The following ARHGAP32 variants were observed in gnomAD, a reference collection of about 807,000 sequenced individuals.
ARHGAP32 encodes the protein Rho GTPase activating protein 32.
Under a neutral mutation model 186.5 loss-of-function variants are expected in ARHGAP32, and 51 were observed. That is an observed-to-expected ratio of 0.27 (90% CI 0.22 to 0.35). The LOEUF (loss-of-function observed/expected upper bound fraction) is 0.35, where lower values mean the gene tolerates loss of function less well. Ranked by LOEUF, ARHGAP32 falls within the 10% of genes least tolerant of loss-of-function variation. ARHGAP32 has a pLI of 1.00. For synonymous variants in ARHGAP32, 950 were observed against 964.3 expected (o/e 0.99, Z 0.27); for missense variants, 2,186 against 2,623.5 (o/e 0.83, Z 3.64).
Position 128,998,383 on chromosome 11 carries a change from T to C in ARHGAP32, c.1131A>G (p.Gly377=), listed in dbSNP as rs1464966336. Reference sequence around the variant, plus strand: ...AACCAAACACCCTCTCTTTCAAGATTCCCCGCTGCTTCAGCTTCTGTTTTG... The same window carrying C: ...AACCAAACACCCTCTCTTTCAAGATCCCCCGCTGCTTCAGCTTCTGTTTTG... The part of the protein sequence containing the change: ...RPTKQKLKQR[G]ILKERVFGCD... Residue 377 remains glycine (G), a synonymous_variant, in exon 12 of 23, where the codon GGA becomes GGG. Coordinates refer to ENST00000682385, the MANE Select transcript of ARHGAP32 (RefSeq NM_001378024.1). 6.2e-7 allele frequency: 1 copy of C among 1,601,638 alleles called. No homozygotes were observed. Among genetic ancestry groups the C allele is most frequent in the Admixed American group, 1.7e-5 (1 of 59,092 alleles).
chr11:129,228,253 G>C (rs1944811835), intron 1 of ARHGAP32, among the ~76,000 whole-genome samples: 1 of 152,064 alleles, frequency 6.6e-6, no homozygotes, highest in African/African-American at 2.4e-5. Flanking sequence ...AGCTGTAAAT[G>C]CCTGTATTTT....
At chr11:129,022,800 A>G (rs1938652196) in intron 11 of ARHGAP32, among the ~76,000 whole-genome samples, 1 of 152,184 alleles carries the variant, frequency 6.6e-6, no homozygotes, top group South Asian at 2.1e-4. Context: ...CACTGAGAAC[A>G]TGGCATCACT....
Position 128,973,097 on chromosome 11 carries a change from C to G in ARHGAP32, c.3409G>C (p.Glu1137Gln). The G allele has an allele frequency of 4.3e-6, 7 of 1,614,158 alleles. No individual in the cohort carries two copies. The highest frequency in any genetic ancestry group is 5.9e-6 in the Non-Finnish European group (7 of 1,180,052). The change falls in exon 22 of 23, where the codon GAG (glutamate) becomes CAG (glutamine). Residue 1137 changes from glutamate to glutamine, a missense_variant. By Grantham distance (29) the Glu-to-Gln change is conservative. Around this residue, in one of 5 missense-constraint regions of ARHGAP32, gnomAD observed 1,502 missense variants for 1,570.0 expected, o/e 0.96. Transcript: ENST00000682385. ...APGNCDHPLPETTATGDPTHS... is the reference protein window; with the variant it reads ...APGNCDHPLPQTTATGDPTHS... ...GTAGGATCCCCAGTAGCTGTTGTCT[C>G]TGGTAGAGGATGGTCACAGTTTCCT...
intron 1 of ARHGAP32, among the ~76,000 whole-genome samples, chr11:129,275,902 A>G (rs1945523985): frequency 6.6e-6 from 1 of 152,268 alleles, no homozygotes; most frequent in Admixed American, 6.5e-5. Context: ...ATGCAGACAA[A>G]TTTAAAATAT....
intron 1 of ARHGAP32, among the ~76,000 whole-genome samples, chr11:129,263,940 A>G (rs1393870296): frequency 6.6e-6 from 1 of 152,224 alleles, no homozygotes; most frequent in South Asian, 2.1e-4. Context: ...TTGCATACTC[A>G]TGTTCATAGC....
At chr11:129,169,093 T>A (rs1943699416) in intron 1 of ARHGAP32, among the ~76,000 whole-genome samples, 1 of 152,108 alleles carries the variant, frequency 6.6e-6, no homozygotes, top group Admixed American at 6.5e-5. Flanking sequence ...TAAGCTTCTA[T>A]CACAAGAAGC....
At chr11:128,975,064 G>A in intron 20 of ARHGAP32, 62 bp from the exon 21 acceptor site, 1 of 1,379,948 alleles carries the variant, frequency 7.2e-7, no homozygotes, top group Non-Finnish European at 9.9e-7. Flanking sequence ...GCTGTGGTAA[G>A]TCACCTACTC....
intron 10 of ARHGAP32, among the ~76,000 whole-genome samples, chr11:129,052,606 C>CT (rs1034092057): frequency 0.013 from 1,883 of 146,096 alleles, 36 homozygotes; most frequent in African/African-American, 0.035. Context: ...TCTTTCACAT[C>CT]TTTTTTTTTT....
At chr11:129,062,697 AG>A (rs1940551719) in intron 9 of ARHGAP32, among the ~76,000 whole-genome samples, 1 of 152,186 alleles carries the variant, frequency 6.6e-6, no homozygotes, top group African/African-American at 2.4e-5. Flanking sequence ...TGTCACTGAG[AG>A]TGATCAGATT....
At chr11:129,144,047 T>C (rs1340100228) in intron 2 of ARHGAP32, among the ~76,000 whole-genome samples, 1 of 152,182 alleles carries the variant, frequency 6.6e-6, no homozygotes, top group Non-Finnish European at 1.5e-5. Context: ...TGAACAACAA[T>C]GTTACTAAAG....
Position 128,972,858 on chromosome 11 carries a change from C to G in ARHGAP32, c.3648G>C (p.Gln1216His). 6.2e-7 allele frequency: 1 copy of G among 1,613,944 alleles called. No individual in the cohort carries two copies. The highest frequency in any genetic ancestry group is 8.5e-7 in the Non-Finnish European group (1 of 1,180,022). ...MPTVSFLDQDQSPPRFYSGDQ... is the reference protein window; with the variant it reads ...MPTVSFLDQDHSPPRFYSGDQ... ...CTCCACTGTAGAAACGGGGTGGAGA[C>G]TGGTCCTGATCCAAGAAGGAGACAG... The change falls in exon 22 of 23, where the codon CAG (glutamine) becomes CAC (histidine). Residue 1216 changes from glutamine (Q) to histidine (H), a missense_variant. Around this residue, in one of 5 missense-constraint regions of ARHGAP32, gnomAD observed 1,502 missense variants for 1,570.0 expected, o/e 0.96. Transcript: ENST00000682385.
intron 10 of ARHGAP32, among the ~76,000 whole-genome samples, chr11:129,044,507 G>A (rs1939730246): frequency 6.6e-6 from 1 of 152,038 alleles, no homozygotes; most frequent in African/African-American, 2.4e-5. Context: ...AAGCATAAAT[G>A]GGTTAATGCA....
intron 1 of ARHGAP32, among the ~76,000 whole-genome samples, chr11:129,181,223 G>A (rs1370277011): frequency 6.6e-6 from 1 of 152,078 alleles, no homozygotes; most frequent in Non-Finnish European, 1.5e-5. Flanking sequence ...ACTATCCACT[G>A]GTGGCAACAA....
At chr11:129,185,585 AAAACTT>A (rs1175996705) in intron 1 of ARHGAP32, among the ~76,000 whole-genome samples, 2 of 152,204 alleles carry the variant, frequency 1.3e-5, no homozygotes, top group Non-Finnish European at 2.9e-5. Context: ...CATGTACCCT[AAAACTT>A]AAAGTATAAT....
upstream of ARHGAP32, among the ~76,000 whole-genome samples, chr11:129,193,724 TTA>T (rs1491565920): frequency 0.021 from 1,595 of 76,310 alleles, 26 homozygotes; most frequent in Non-Finnish European, 0.026. Flanking sequence ...ATATTATATA[TTA>T]TATATAATAT....
In ARHGAP32 at chr11:128,965,369, C is replaced by T. The variant is rs1318850161; in HGVS notation, c.*3538G>A. The T allele has an allele frequency of 3.3e-5, 5 of 151,926 alleles. No homozygotes were observed. The highest frequency in any genetic ancestry group is 1.5e-5 in the Non-Finnish European group (1 of 67,998). The allele number at this position is 151,926 out of a possible 1,614,324, so 9.4% of individuals were successfully genotyped here. On this transcript the variant is annotated 3_prime_UTR_variant, in exon 23 of 23. Transcript: ENST00000682385. ...ACACCAGTTCACAAAAATATTAAGA[C>T]ATAAAAAAACACTATATAAATTAAA...
At chr11:129,168,945 G>C (rs994467805) in intron 1 of ARHGAP32, among the ~76,000 whole-genome samples, 4 of 152,078 alleles carry the variant, frequency 2.6e-5, no homozygotes, top group African/African-American at 7.2e-5. Flanking sequence ...ATGGAAATTA[G>C]AAAGTCTTTT....
intron 10 of ARHGAP32, among the ~76,000 whole-genome samples, chr11:129,054,835 T>C (rs1314891503): frequency 6.6e-6 from 1 of 152,230 alleles, no homozygotes; most frequent in African/African-American, 2.4e-5. Context: ...CTGTAGTTAA[T>C]ATAATTTCAC....
At chr11:129,096,174 G>A (rs188075188) in intron 5 of ARHGAP32, among the ~76,000 whole-genome samples, 8 of 152,294 alleles carry the variant, frequency 5.3e-5, no homozygotes, top group Non-Finnish European at 1.2e-4. Flanking sequence ...ACATGGTCAT[G>A]AGAGGCAAGG....
Sources: gnomAD v4.1 joint callset for allele counts (sites outside exome capture counted in the v4.1 genomes callset) on GRCh38, gnomAD v4.1.1 for gene constraint, gnomAD v4.1.1 regional missense constraint, MANE v1.5 for transcripts, NCBI Gene and HGNC (gene_info 2026-07-23, HGNC 2026-07-21) for gene names.